Variants in CSMD2 observed in about 807,000 individuals in gnomAD.
CSMD2 encodes the protein CUB and Sushi multiple domains 2.
A neutral mutation model predicts 398.5 loss-of-function variants in CSMD2; 130 were observed. That is an observed-to-expected ratio of 0.33 (90% confidence interval 0.28 to 0.38). The LOEUF (loss-of-function observed/expected upper bound fraction) is 0.38, where lower values mean the gene tolerates loss of function less well. CSMD2 is among the 10% of genes least tolerant of loss of function. The pLI is 1.00. For synonymous variants in CSMD2, 1,828 were observed against 1,908.5 expected (o/e 0.96, Z 1.10); for missense variants, 3,829 against 4,764.9 (o/e 0.80, Z 5.78).
intron 2 of CSMD2, among the ~76,000 whole-genome samples, chr1:34,064,979 T>TA (rs1654949051): frequency 6.6e-6 from 1 of 152,076 alleles, no homozygotes; most frequent in African/African-American, 2.4e-5. Context: ...ACAAGAATGA[T>TA]ATAAGGGAAA....
intron 22 of CSMD2, among the ~76,000 whole-genome samples, chr1:33,708,366 C>T (rs1382433544): frequency 3.3e-5 from 5 of 151,146 alleles, no homozygotes; most frequent in Non-Finnish European, 7.4e-5. Flanking sequence ...AATATGCTGA[C>T]ACAGGTATGC....
intron 3 of CSMD2, among the ~76,000 whole-genome samples, chr1:33,974,593 C>A (rs2147931925): frequency 6.6e-6 from 1 of 152,296 alleles, no homozygotes; most frequent in African/African-American, 2.4e-5. Flanking sequence ...GCTTGATGTC[C>A]CAGGGCTAGT....
intron 10 of CSMD2, among the ~76,000 whole-genome samples, chr1:33,801,528 T>A (rs1421508857): frequency 6.6e-6 from 1 of 152,182 alleles, no homozygotes; most frequent in Non-Finnish European, 1.5e-5. Context: ...GTCACTCACA[T>A]GTTCAAATAT....
rs187469765 is a variant in CSMD2 at position 33,567,805 on chromosome 1, A to T, written c.8168T>A (p.Leu2723His). The change falls in exon 53 of 71, where the codon CTC becomes CAC. Residue 2723 changes from leucine to histidine, a missense_variant. By Grantham distance (99) the Leu-to-His change is moderately conservative. Coordinates refer to ENST00000373381, the MANE Select transcript of CSMD2 (RefSeq NM_001281956.2). The part of the protein sequence containing the change: ...QTKLHSIFYK[L>H]LFDVLSSPSL... ...TGGGGAAGAGAGTACATCGAAGAGG[A>T]GCTTATAGAAAATGGAGTGGAGCTT... The T allele has an allele frequency of 4.8e-5, 77 of 1,605,638 alleles. No individual in the cohort carries two copies. In the Admixed American group the frequency reaches 1.3e-3, roughly 27 times the overall value.
chr1:33,803,685 T>A lies in CSMD2; in HGVS notation c.1446+7058A>T, dbSNP rs547890509. 3.9e-5 allele frequency among the ~76,000 whole-genome samples: 6 copies of A among 152,350 alleles called. No individual in the cohort carries two copies. In the South Asian group the frequency reaches 1.2e-3, roughly 32 times the overall value. On this transcript the variant is annotated intron_variant, in intron 10 of 70. Coordinates refer to ENST00000373381, the MANE Select transcript of CSMD2 (RefSeq NM_001281956.2). ...TAAATCTCTCTCATCTGTTTTCCCC[T>A]CCACATTTCCAAAGCCTTGGTGGAT...
chr1:33,918,004 G>A, intron 5 of CSMD2, 90 bp downstream of exon 5: 18 of 1,185,030 alleles, frequency 1.5e-5, no homozygotes, highest in Non-Finnish European at 2.2e-5. Context: ...GCCTCTGGCT[G>A]CAGGTCCAGG....
intron 16 of CSMD2, among the ~76,000 whole-genome samples, chr1:33,726,136 G>A (rs1438379344): frequency 2.0e-5 from 3 of 152,216 alleles, no homozygotes; most frequent in Non-Finnish European, 4.4e-5. Context: ...GTGGGAGCTA[G>A]AAGTGGGGCA....
chr1:33,853,198 T>C (rs1207357797), intron 5 of CSMD2, among the ~76,000 whole-genome samples: 2 of 152,228 alleles, frequency 1.3e-5, no homozygotes, highest in Non-Finnish European at 2.9e-5. Context: ...GTCTGTCTTA[T>C]ATAAACTACA....
chr1:34,033,899 C>T (rs1650777575), intron 2 of CSMD2, among the ~76,000 whole-genome samples: 1 of 152,120 alleles, frequency 6.6e-6, no homozygotes, highest in East Asian at 1.9e-4. Context: ...TTCCCACCAT[C>T]CTAACCTTGT....
At chr1:33,835,444 C>T (rs11806455) in intron 6 of CSMD2, among the ~76,000 whole-genome samples, 1,323 of 33,072 alleles carry the variant, frequency 0.04, 621 homozygotes, top group African/African-American at 0.36. Flanking sequence ...TAGTGGGGAA[C>T]TGAACAATGA....
chr1:34,070,154 T>C (rs1655557047), intron 2 of CSMD2, among the ~76,000 whole-genome samples: 1 of 152,216 alleles, frequency 6.6e-6, no homozygotes, highest in African/African-American at 2.4e-5. Context: ...TACAAATAAT[T>C]TGCCACTTTG....
At position 33,617,922 on chromosome 1, in the gene CSMD2, C is replaced by T. The variant is rs376107766; in HGVS notation, c.5828-305G>A. Among the ~76,000 whole-genome samples the T allele has an allele frequency of 7.2e-5, 11 of 152,266 alleles. No individual in the cohort carries two copies. The South Asian group carries it at 1.0e-3, about 14-fold the overall frequency. On this transcript the variant is annotated intron_variant, in intron 37 of 70. Transcript: ENST00000373381. Reference sequence around the variant, plus strand: ...TAGCTAGGGGGCTTAGCTAGGGAGACTTCTCTGCATGCTCTCCTCCCACAT... The same window carrying T: ...TAGCTAGGGGGCTTAGCTAGGGAGATTTCTCTGCATGCTCTCCTCCCACAT...
Position 33,739,373 on chromosome 1 carries a change from T to C in CSMD2, c.2174-39A>G, listed in dbSNP as rs775592028. The stretch of plus-strand genomic sequence containing the variant: ...GTTCAAGGACATGATCAGACATTGC[T>C]GGAGTAGAGAAGAATCCCTAAAGAA... On this transcript the variant is annotated intron_variant, in intron 14 of 70. Coordinates refer to ENST00000373381, the MANE Select transcript of CSMD2 (RefSeq NM_001281956.2). The C allele has an allele frequency of 3.2e-6, 5 of 1,556,568 alleles. No homozygotes were observed. In the South Asian group the frequency reaches 5.9e-5, roughly 18 times the overall value.
intron 10 of CSMD2, among the ~76,000 whole-genome samples, chr1:33,808,663 C>A (rs1224773784): frequency 2.6e-5 from 4 of 151,534 alleles, no homozygotes; most frequent in Admixed American, 2.6e-4. Context: ...AACAAAGCAT[C>A]AAAATTAAGA....
rs923690313 is a variant in CSMD2, at chr1:33,550,103, A to T, written c.8917+74T>A. 7 of 1,485,282 alleles carry T rather than the reference A, an allele frequency of 4.7e-6. No individual in the cohort carries two copies. In the African/African-American group the frequency reaches 8.3e-5, roughly 18 times the overall value. 92.0% of individuals were successfully genotyped at this position (1,485,282 alleles called of 1,614,324 possible). ...CCTCCCATCCATCAATCACACTCAC[A>T]CCTTGGGGGCTCGTCTACCTCCCAT... On this transcript the variant is annotated intron_variant, in intron 56 of 70. Transcript: ENST00000373381.
At chr1:33,761,181 T>C (rs1315476323) in intron 13 of CSMD2, among the ~76,000 whole-genome samples, 1 of 152,092 alleles carries the variant, frequency 6.6e-6, no homozygotes, top group African/African-American at 2.4e-5. Flanking sequence ...ATTCTGTCAG[T>C]CTTGAGTCTC....
At position 33,626,200 on chromosome 1, in the gene CSMD2, T is replaced by C. The variant is rs183912855; in HGVS notation, c.5296+286A>G. ...CTGGGCTGGTCTCTTCAGTGCCATC[T>C]GGACCATGCCAGACAATGGGTGGAG... On this transcript the variant is annotated intron_variant, in intron 33 of 70. Transcript: ENST00000373381. Among the ~76,000 whole-genome samples, 247 of 152,342 alleles carry C rather than the reference T, an allele frequency of 1.6e-3. 11 individuals are homozygous for C. In the South Asian group the frequency reaches 0.048, roughly 30 times the overall value.
intron 44 of CSMD2, chr1:33,592,248 T>G: frequency 4.7e-6 from 3 of 642,464 alleles, no homozygotes; most frequent in Non-Finnish European, 8.4e-6. Context: ...TTGTTCTACT[T>G]TTTGGTCCAC....
chr1:34,151,773 TTTCCTCCCTCACTCCCTTGCTTCC>T (rs1640341902), intron 1 of CSMD2, among the ~76,000 whole-genome samples: 1 of 151,802 alleles, frequency 6.6e-6, no homozygotes, highest in Admixed American at 6.6e-5. Context: ...TTATTTCTTC[TTTCCTCCCTCACTCCCTTGCTTCC>T]TTCCTCCCTC....
Sources: allele counts gnomAD v4.1 joint callset (sites outside exome capture counted in the v4.1 genomes callset), GRCh38; gene constraint gnomAD v4.1.1; transcripts MANE v1.5; gene names NCBI Gene and HGNC (gene_info 2026-07-23, HGNC 2026-07-21).